Variants in NXN observed in about 807,000 individuals in gnomAD.
NXN encodes nucleoredoxin, also known as nucleoredoxin 1.
A neutral mutation model predicts 48.6 loss-of-function variants in NXN; 16 were observed. That is an observed-to-expected ratio of 0.33 (90% CI 0.22 to 0.50). NXN has a LOEUF of 0.50. Among genes scored for constraint, NXN ranks in the 20% least tolerant of loss-of-function variants. NXN has a pLI of 0.98. For synonymous variants in NXN, 281 were observed against 269.6 expected (o/e 1.04, Z -0.41); for missense variants, 492 against 605.5 (o/e 0.81, Z 1.97).
chr17:803,469 C>T (rs111692455), intron 7 of NXN, among the ~76,000 whole-genome samples: 59 of 152,270 alleles, frequency 3.9e-4, no homozygotes, highest in African/African-American at 1.2e-3. Context: ...CTGAGGCTGC[C>T]GAGCATGGAC....
At chr17:812,616 G>T (rs1256315070) in intron 5 of NXN, among the ~76,000 whole-genome samples, 1 of 149,290 alleles carries the variant, frequency 6.7e-6, no homozygotes, top group Non-Finnish European at 1.5e-5. Context: ...CATTGTGTGA[G>T]TGTAGGTGAG....
intron 1 of NXN, among the ~76,000 whole-genome samples, chr17:912,715 G>A (rs912423750): frequency 2.6e-5 from 4 of 152,138 alleles, no homozygotes; most frequent in Non-Finnish European, 5.9e-5. Flanking sequence ...ACATTTGGGA[G>A]GCCGATGCGG....
chr17:947,340 T>C (rs1181179932), intron 1 of NXN, among the ~76,000 whole-genome samples: 1 of 152,102 alleles, frequency 6.6e-6, no homozygotes, highest in Non-Finnish European at 1.5e-5. Context: ...GCAGACATAA[T>C]GGGGCTACAC....
chr17:935,538 G>A (rs901830712), intron 1 of NXN, among the ~76,000 whole-genome samples: 3 of 152,186 alleles, frequency 2.0e-5, no homozygotes, highest in Non-Finnish European at 4.4e-5. Context: ...GCTTTAGGAT[G>A]TGCTGGCGGC....
At chr17:847,638 C>G (rs2067879056) in intron 1 of NXN, among the ~76,000 whole-genome samples, 1 of 152,128 alleles carries the variant, frequency 6.6e-6, no homozygotes, top group Non-Finnish European at 1.5e-5. Flanking sequence ...TGTGACCACC[C>G]AGTACCAAAG....
intron 1 of NXN, among the ~76,000 whole-genome samples, chr17:899,159 T>C (rs1251571092): frequency 3.9e-5 from 6 of 152,158 alleles, no homozygotes; most frequent in Admixed American, 6.6e-5. Flanking sequence ...GGTTTCACCA[T>C]GTTGGTCAGG....
rs542587049 is a variant in NXN at position 835,045 on chromosome 17, A to G, written c.361-8967T>C. ...CACAGCAGGCCTGGCGCGGTGGCTC[A>G]CGCCCGTAATCCCAGCACTTTGGGA... On this transcript the variant is annotated intron_variant, in intron 1 of 7. Coordinates refer to ENST00000336868, the MANE Select transcript of NXN (RefSeq NM_022463.5). 3.3e-5 allele frequency among the ~76,000 whole-genome samples: 5 copies of G among 150,136 alleles called. No individual in the cohort carries two copies. The East Asian group carries it at 8.5e-4, about 26-fold the overall frequency.
intron 1 of NXN, among the ~76,000 whole-genome samples, chr17:875,790 G>A (rs1403124630): frequency 1.1e-4 from 17 of 151,566 alleles, no homozygotes; most frequent in Non-Finnish European, 2.1e-4. Context: ...GTAGAACCCG[G>A]TCTCATTTTG....
intron 1 of NXN, among the ~76,000 whole-genome samples, chr17:846,931 T>G (rs1380373089): frequency 6.6e-6 from 1 of 152,150 alleles, no homozygotes; most frequent in African/African-American, 2.4e-5. Context: ...AAGAGAAACC[T>G]CATCATATCC....
At chr17:895,759 A>C (rs991175865) in intron 1 of NXN, among the ~76,000 whole-genome samples, 6 of 85,622 alleles carry the variant, frequency 7.0e-5, no homozygotes, top group Non-Finnish European at 1.2e-4. Flanking sequence ...CGGAGCTTGC[A>C]GTGAGCCGAG....
intron 1 of NXN, among the ~76,000 whole-genome samples, chr17:876,460 T>C (rs1299842343): frequency 1.3e-5 from 2 of 152,012 alleles, no homozygotes; most frequent in African/African-American, 2.4e-5. Context: ...ACATCCCCTA[T>C]TGTGGTCATT....
intron 1 of NXN, among the ~76,000 whole-genome samples, chr17:960,238 G>C (rs1455011879): frequency 6.6e-6 from 1 of 152,314 alleles, no homozygotes; most frequent in African/African-American, 2.4e-5. Flanking sequence ...GTTTAATACA[G>C]TGCCATCTAT....
At chr17:895,579 G>T (rs549892091) in intron 1 of NXN, among the ~76,000 whole-genome samples, 6 of 151,254 alleles carry the variant, frequency 4.0e-5, no homozygotes, top group South Asian at 2.1e-4. Context: ...TTGGGAGGTC[G>T]AGGTGGGCGG....
Position 906,759 on chromosome 17 carries a change from G to A in NXN, c.360+72560C>T, listed in dbSNP as rs1001762664. 1.1e-4 allele frequency among the ~76,000 whole-genome samples: 16 copies of A among 151,238 alleles called. No individual in the cohort carries two copies. In the Middle Eastern group the frequency reaches 0.01, roughly 96 times the overall value. The stretch of plus-strand genomic sequence containing the variant: ...CTTTTTTTTTTTTTTAGTGGAAATC[G>A]GGTTTCATTATGTTGGCCAGTCTGG... On this transcript the variant is annotated intron_variant, in intron 1 of 7. Coordinates refer to ENST00000336868, the MANE Select transcript of NXN (RefSeq NM_022463.5).
rs1343357564 is a variant in NXN at position 825,709 on chromosome 17, T to TA, written c.478+251dup. Reference sequence around the variant, plus strand: ...CTGCGGCCCTCCAAGCGGAGCTTCTTACGGCAGAGTCCATCTCTTTTGGCC... The same window carrying TA: ...CTGCGGCCCTCCAAGCGGAGCTTCTTAACGGCAGAGTCCATCTCTTTTGGCC... On this transcript the variant is annotated intron_variant, in intron 2 of 7. Coordinates refer to ENST00000336868, the MANE Select transcript of NXN (RefSeq NM_022463.5). The surrounding 1 kb of genome is among the most constrained non-coding windows in gnomAD (Gnocchi z 4.1). 1 of 408,754 alleles carries TA rather than the reference T, an allele frequency of 2.4e-6. No homozygotes were observed. The highest frequency in any genetic ancestry group is 2.1e-5 in the African/African-American group (1 of 47,944). The allele number at this position is 408,754 out of a possible 1,614,324, so 25.3% of individuals were successfully genotyped here.
At chr17:837,079 C>T (rs1913868575) in intron 1 of NXN, among the ~76,000 whole-genome samples, 1 of 151,812 alleles carries the variant, frequency 6.6e-6, no homozygotes, top group Non-Finnish European at 1.5e-5. Context: ...CCCGGGCTCA[C>T]GTGATCCCCC....
At chr17:902,880 G>A (rs771106967) in intron 1 of NXN, among the ~76,000 whole-genome samples, 13 of 151,644 alleles carry the variant, frequency 8.6e-5, no homozygotes, top group Non-Finnish European at 7.4e-5. Flanking sequence ...CCGGGTTCAA[G>A]CGATTCTCCT....
At position 810,276 on chromosome 17, in the gene NXN, TCTGTGAGTGGCGTGCACGTTA is replaced by T. The variant is rs1567810866; in HGVS notation, c.821-5050_821-5030del. Reference sequence around the variant, plus strand: ...CTGTGAGTGGCGTGCACGTTACGAGTCTGTGAGTGGCGTGCACGTTACGAGTCTGTGAGTGGTGTGCACGTT... The same window carrying T: ...CTGTGAGTGGCGTGCACGTTACGAGTCGAGTCTGTGAGTGGTGTGCACGTT... On this transcript the variant is annotated intron_variant, in intron 5 of 7. Coordinates refer to ENST00000336868, the MANE Select transcript of NXN (RefSeq NM_022463.5). Among the ~76,000 whole-genome samples the T allele has an allele frequency of 3.7e-3, 483 of 131,200 alleles. 4 individuals carry two copies. Among genetic ancestry groups the T allele is most frequent in the African/African-American group, 0.013 (452 of 36,156 alleles). The allele number at this position is 131,200 out of a possible 152,430, so 86.1% of individuals were successfully genotyped here.
At chr17:885,047 C>T (rs775145377) in intron 1 of NXN, among the ~76,000 whole-genome samples, 4 of 152,114 alleles carry the variant, frequency 2.6e-5, no homozygotes, top group Non-Finnish European at 5.9e-5. Flanking sequence ...TAAGACCAAG[C>T]GGAGCTGAGT....
Sources: gnomAD v4.1 joint callset for allele counts (sites outside exome capture counted in the v4.1 genomes callset) on GRCh38, gnomAD v4.1.1 for gene constraint, Gnocchi (gnomAD v3.1) non-coding constraint, MANE v1.5 for transcripts, NCBI Gene and HGNC (gene_info 2026-07-23, HGNC 2026-07-21) for gene names.